The following FBXO36 variants were observed in gnomAD, a reference collection of about 807,000 sequenced individuals.
FBXO36 encodes F-box protein 36, also known as F-box only protein 36.
FBXO36 carries 18 observed loss-of-function variants against 17.0 expected under a neutral mutation model. The observed-to-expected ratio is 1.06, with a 90% CI of 0.73 to 1.57. The LOEUF (loss-of-function observed/expected upper bound fraction) is 1.57, where lower values mean the gene tolerates loss of function less well. Ranked by LOEUF, FBXO36 falls within the 40% of genes most tolerant of loss-of-function variation. The pLI is 0.00. For synonymous variants in FBXO36, 83 were observed against 85.3 expected (o/e 0.97, Z 0.15); for missense variants, 229 against 221.9 (o/e 1.03, Z -0.20).
intron 1 of FBXO36, among the ~76,000 whole-genome samples, chr2:229,954,233 G>GTTTTTTTTTT (rs1283205428): frequency 6.0e-5 from 2 of 33,144 alleles, no homozygotes; most frequent in African/African-American, 7.5e-5. Flanking sequence ...AAACCCTTTG[G>GTTTTTTTTTT]ATTTTTTTTT....
At chr2:229,963,070 G>C (rs996120291) in intron 1 of FBXO36, among the ~76,000 whole-genome samples, 3 of 150,324 alleles carry the variant, frequency 2.0e-5, no homozygotes, top group Non-Finnish European at 4.4e-5. Context: ...CTTGACCCAG[G>C]TTGCTTTTTT....
chr2:230,000,437 A>G (rs2077352284), intron 3 of FBXO36, among the ~76,000 whole-genome samples: 1 of 151,796 alleles, frequency 6.6e-6, no homozygotes, highest in African/African-American at 2.4e-5. Context: ...ACGTAAATAA[A>G]ATATGCAAGT....
intron 2 of FBXO36, among the ~76,000 whole-genome samples, chr2:229,986,579 G>A (rs1406618988): frequency 6.8e-6 from 1 of 146,948 alleles, no homozygotes; most frequent in African/African-American, 2.5e-5. Context: ...CTGTAGCCTA[G>A]GCTGGAGTGC....
rs1253306658 is a variant in FBXO36, at chr2:229,969,337, C to T, written c.97-6904C>T. On this transcript the variant is annotated intron_variant, in intron 1 of 3. Coordinates refer to ENST00000283946, the MANE Select transcript of FBXO36 (RefSeq NM_174899.5). ...GCTCAAGCAAGCCTCCCACCTCAGC[C>T]TCCCTAGTAGCTGGGACTACAGCTG... Among the ~76,000 whole-genome samples the T allele has an allele frequency of 3.3e-5, 5 of 151,540 alleles. No homozygotes were observed. In the East Asian group the frequency reaches 7.7e-4, roughly 23 times the overall value.
chr2:230,010,613 C>T, intron 3 of FBXO36, 83 bp from the exon 4 acceptor site: 1 of 1,287,432 alleles, frequency 7.8e-7, no homozygotes. Flanking sequence ...TAGTGTTTCT[C>T]CAGTGTCCCA....
intron 1 of FBXO36, among the ~76,000 whole-genome samples, chr2:229,944,237 G>T (rs755161226): frequency 6.6e-6 from 1 of 152,136 alleles, no homozygotes; most frequent in Non-Finnish European, 1.5e-5. Flanking sequence ...TCTATATTCT[G>T]TATTTTAGGA....
At chr2:229,963,636 C>T (rs1442139024) in intron 1 of FBXO36, among the ~76,000 whole-genome samples, 1 of 150,882 alleles carries the variant, frequency 6.6e-6, no homozygotes, top group East Asian at 2.0e-4. Context: ...AGTAGAGATG[C>T]GGTTTCACCG....
At chr2:229,996,122 T>A (rs956482911) in intron 2 of FBXO36, among the ~76,000 whole-genome samples, 47 of 151,226 alleles carry the variant, frequency 3.1e-4, no homozygotes, top group South Asian at 8.4e-4. Flanking sequence ...AAAAAAAATT[T>A]AAAAAAATAG....
At chr2:229,987,818 A>G (rs1023890962) in intron 2 of FBXO36, among the ~76,000 whole-genome samples, 1 of 152,020 alleles carries the variant, frequency 6.6e-6, no homozygotes, top group Non-Finnish European at 1.5e-5. Flanking sequence ...ACAGGGTCTC[A>G]CTATGGTGCG....
At chr2:229,980,557 C>T (rs2077233098) in intron 2 of FBXO36, among the ~76,000 whole-genome samples, 1 of 152,022 alleles carries the variant, frequency 6.6e-6, no homozygotes, top group African/African-American at 2.4e-5. Flanking sequence ...CCTCACCAGT[C>T]TCTTGCCTGC....
At chr2:229,938,216 CT>C (rs71049603) in intron 1 of FBXO36, among the ~76,000 whole-genome samples, 295 of 73,248 alleles carry the variant, frequency 4.0e-3, no homozygotes, top group African/African-American at 0.013. Context: ...ATACAACTTT[CT>C]TTTTTTTTTT....
intron 1 of FBXO36, among the ~76,000 whole-genome samples, chr2:229,954,329 G>A (rs13020629): frequency 1.6e-5 from 2 of 128,418 alleles, no homozygotes; most frequent in Admixed American, 1.9e-4. Context: ...TGCAACCTCC[G>A]CCCCCTGGGT....
chr2:229,931,684 C>G (rs2076939032), intron 1 of FBXO36, among the ~76,000 whole-genome samples: 1 of 151,834 alleles, frequency 6.6e-6, no homozygotes, highest in Non-Finnish European at 1.5e-5. Flanking sequence ...ACTAAAAATA[C>G]AAAAATGAGC....
At chr2:229,934,294 G>A (rs910382413) in intron 1 of FBXO36, among the ~76,000 whole-genome samples, 15 of 152,178 alleles carry the variant, frequency 9.9e-5, no homozygotes, top group Admixed American at 8.5e-4. Context: ...CCAGCTACTC[G>A]GGAGGCTGAG....
chr2:229,937,576 A>G (rs113403541), intron 1 of FBXO36, among the ~76,000 whole-genome samples: 201 of 152,296 alleles, frequency 1.3e-3, no homozygotes, highest in African/African-American at 4.7e-3. Flanking sequence ...CTCCTACCGT[A>G]TTCTACAAAG....
At chr2:229,985,672 ACATTTTGT>A (rs2077264654) in intron 2 of FBXO36, among the ~76,000 whole-genome samples, 3 of 152,210 alleles carry the variant, frequency 2.0e-5, no homozygotes, top group Admixed American at 2.0e-4. Flanking sequence ...ATAAAATCTT[ACATTTTGT>A]CATTTATTAT....
chr2:229,991,900 T>C (rs2077299908), intron 2 of FBXO36, among the ~76,000 whole-genome samples: 1 of 152,170 alleles, frequency 6.6e-6, no homozygotes, highest in South Asian at 2.1e-4. Context: ...CTTTATACCA[T>C]GTTTTTCTTC....
intron 3 of FBXO36, among the ~76,000 whole-genome samples, chr2:230,010,375 C>T (rs1246431037): frequency 6.6e-6 from 1 of 152,160 alleles, no homozygotes; most frequent in African/African-American, 2.4e-5. Flanking sequence ...GGGACTTGGC[C>T]GCAGTGGGGT....
chr2:229,947,091 C>G (rs1214592981), intron 1 of FBXO36, among the ~76,000 whole-genome samples: 2 of 151,968 alleles, frequency 1.3e-5, no homozygotes, highest in Non-Finnish European at 2.9e-5. Context: ...TCACTTGAAC[C>G]CGGGAGGCGG....
Sources: gnomAD v4.1 joint callset for allele counts (sites outside exome capture counted in the v4.1 genomes callset) on GRCh38, gnomAD v4.1.1 for gene constraint, MANE v1.5 for transcripts, NCBI Gene and HGNC (gene_info 2026-07-23, HGNC 2026-07-21) for gene names.